ESRP1: variants seen among roughly 807,000 people sequenced by gnomAD.
The protein encoded by ESRP1 is epithelial splicing regulatory protein 1.
In ESRP1, 33 loss-of-function variants were observed where a neutral mutation model predicts 81.7. That is an observed-to-expected ratio of 0.40 (90% CI 0.31 to 0.54). The LOEUF (loss-of-function observed/expected upper bound fraction) is 0.54, where lower values mean the gene tolerates loss of function less well. Among genes scored for constraint, ESRP1 ranks in the 20% least tolerant of loss-of-function variants. ESRP1 has a pLI of 0.41. For synonymous variants in ESRP1, 320 were observed against 303.3 expected (o/e 1.06, Z -0.57); for missense variants, 672 against 833.1 (o/e 0.81, Z 2.38).
At chr8:94,646,088 C>T in intron 3 of ESRP1, 80 bp from the exon 4 acceptor site, 3 of 704,618 alleles carry the variant, frequency 4.3e-6, no homozygotes, top group Admixed American at 2.8e-5. Flanking sequence ...TGCTTATATT[C>T]AATTTTTAGG....
At position 94,704,293 on chromosome 8, in the gene ESRP1, G is replaced by A. The variant is rs898513003; in HGVS notation, c.*36-1632G>A. ...TAAGACTGAAGTCTAAAACATTCCT[G>A]TTTTTCATTTACATGTCAAAGTATG... On this transcript the variant is annotated intron_variant, in intron 15 of 15. Coordinates refer to ENST00000433389, the MANE Select transcript of ESRP1 (RefSeq NM_017697.4). 6.7e-5 allele frequency among the ~76,000 whole-genome samples: 10 copies of A among 149,576 alleles called. No homozygotes were observed. The Admixed American group carries it at 6.7e-4, about 10-fold the overall frequency.
At chr8:94,674,733 T>C (rs1478275375) in intron 12 of ESRP1, among the ~76,000 whole-genome samples, 2 of 152,328 alleles carry the variant, frequency 1.3e-5, no homozygotes, top group South Asian at 2.1e-4. Flanking sequence ...TATTCCTGCT[T>C]TTCCAGTGAT....
chr8:94,650,610 G>A (rs1021659582), intron 4 of ESRP1, among the ~76,000 whole-genome samples: 31 of 152,096 alleles, frequency 2.0e-4, no homozygotes, highest in East Asian at 5.8e-4. Flanking sequence ...TTGTTTATTC[G>A]CCTACTGAAG....
chr8:94,677,727 G>A (rs1808702750), intron 12 of ESRP1, among the ~76,000 whole-genome samples: 1 of 152,224 alleles, frequency 6.6e-6, no homozygotes, highest in African/African-American at 2.4e-5. Flanking sequence ...ATATGTGGTA[G>A]TGGCCAAGAG....
intron 9 of ESRP1, among the ~76,000 whole-genome samples, chr8:94,665,565 C>T (rs778565928): frequency 2.0e-5 from 3 of 152,158 alleles, no homozygotes; most frequent in Non-Finnish European, 2.9e-5. Context: ...AATCTCAGCT[C>T]GTTGCGACCT....
chr8:94,681,322 T>A (rs1333836465), intron 13 of ESRP1, among the ~76,000 whole-genome samples: 14 of 46,638 alleles, frequency 3.0e-4, no homozygotes, highest in Non-Finnish European at 3.5e-4. Context: ...CAAGACTCCA[T>A]CTCAAAAAAA....
At chr8:94,650,836 C>T (rs1052974459) in intron 4 of ESRP1, among the ~76,000 whole-genome samples, 10 of 152,242 alleles carry the variant, frequency 6.6e-5, no homozygotes, top group East Asian at 1.9e-4. Flanking sequence ...CTCAGCCTCC[C>T]GAGTAGCTGG....
chr8:94,660,044 A>C lies in ESRP1; in HGVS notation c.491-2228A>C, dbSNP rs1264623253. Among the ~76,000 whole-genome samples, 6 of 152,366 alleles carry C rather than the reference A, an allele frequency of 3.9e-5. No individual in the cohort carries two copies. In the East Asian group the frequency reaches 1.2e-3, roughly 29 times the overall value. On this transcript the variant is annotated intron_variant, in intron 4 of 15. Coordinates refer to ENST00000433389, the MANE Select transcript of ESRP1 (RefSeq NM_017697.4). ...TCTACGACATAATTCAAAGTGAAGCAGAAAGTGCTTATGGAGAAGTTGCAG... is the reference window on the plus strand; with the variant it reads ...TCTACGACATAATTCAAAGTGAAGCCGAAAGTGCTTATGGAGAAGTTGCAG...
intron 15 of ESRP1, among the ~76,000 whole-genome samples, chr8:94,699,811 A>G (rs998389470): frequency 6.6e-6 from 1 of 152,186 alleles, no homozygotes; most frequent in East Asian, 1.9e-4. Context: ...CACCACCCAG[A>G]AACAAGCATA....
intron 15 of ESRP1, among the ~76,000 whole-genome samples, chr8:94,697,928 C>T (rs1016868801): frequency 3.3e-5 from 5 of 152,046 alleles, no homozygotes; most frequent in Admixed American, 2.0e-4. Flanking sequence ...TTACAGGCAC[C>T]TGCCACCATG....
At chr8:94,681,059 C>T (rs1808852629) in intron 13 of ESRP1, among the ~76,000 whole-genome samples, 2 of 151,868 alleles carry the variant, frequency 1.3e-5, no homozygotes, top group African/African-American at 4.8e-5. Flanking sequence ...AAAACTGTGG[C>T]TCACGCCTGT....
At chr8:94,703,353 C>G (rs1256914105) in intron 15 of ESRP1, among the ~76,000 whole-genome samples, 5 of 152,030 alleles carry the variant, frequency 3.3e-5, no homozygotes, top group African/African-American at 1.2e-4. Flanking sequence ...AGGGTTTCAC[C>G]ATGTTGGCCA....
chr8:94,645,638 G>T (rs1036751353), intron 3 of ESRP1, among the ~76,000 whole-genome samples: 9 of 151,968 alleles, frequency 5.9e-5, no homozygotes, highest in Admixed American at 2.0e-4. Context: ...ACTAATGTGG[G>T]ACTATTATTT....
chr8:94,667,065 A>G (rs1374759376), intron 9 of ESRP1, among the ~76,000 whole-genome samples: 5 of 70,356 alleles, frequency 7.1e-5, no homozygotes, highest in East Asian at 1.7e-3. Flanking sequence ...TAGCCAGGAG[A>G]GGGGTGTGTG....
chr8:94,641,914 C>T (rs373275243), intron 1 of ESRP1, 42 bp from the exon 2 acceptor site: 33 of 1,605,768 alleles, frequency 2.1e-5, no homozygotes, highest in Non-Finnish European at 2.7e-5. Context: ...AAAGAGGCTC[C>T]GAAATTGGGG....
intron 2 of ESRP1, among the ~76,000 whole-genome samples, chr8:94,642,874 A>G (rs934676187): frequency 1.3e-5 from 2 of 152,112 alleles, no homozygotes; most frequent in Non-Finnish European, 2.9e-5. Context: ...GGGTGTATTC[A>G]TCCAAGACTT....
chr8:94,702,057 G>A (rs779322393), intron 15 of ESRP1, among the ~76,000 whole-genome samples: 1 of 152,308 alleles, frequency 6.6e-6, no homozygotes, highest in Non-Finnish European at 1.5e-5. Context: ...CAGCCTGGAC[G>A]ACAGAGCGAG....
Position 94,654,582 on chromosome 8 carries a change from C to T in ESRP1, c.491-7690C>T, listed in dbSNP as rs142141406. Among the ~76,000 whole-genome samples the T allele has an allele frequency of 2.6e-5, 4 of 152,160 alleles. No individual in the cohort carries two copies. In the East Asian group the frequency reaches 7.7e-4, roughly 29 times the overall value. On this transcript the variant is annotated intron_variant, in intron 4 of 15. Coordinates refer to ENST00000433389, the MANE Select transcript of ESRP1 (RefSeq NM_017697.4). ...GTGTGACTCTTCAGTACAATAATAT[C>T]TCCAAGAAGTAATATTTGTTAGGTA...
chr8:94,704,846 G>A (rs1165776829), intron 15 of ESRP1, among the ~76,000 whole-genome samples: 3 of 149,312 alleles, frequency 2.0e-5, no homozygotes, highest in South Asian at 2.1e-4. Context: ...CCTGGGTGAT[G>A]GAGCTAGACC....
Sources: allele counts gnomAD v4.1 joint callset (sites outside exome capture counted in the v4.1 genomes callset), GRCh38; gene constraint gnomAD v4.1.1; transcripts MANE v1.5; gene names NCBI Gene and HGNC (gene_info 2026-07-23, HGNC 2026-07-21).